Variants in EXOC4 observed in about 807,000 individuals in gnomAD.
EXOC4 encodes the protein exocyst complex component 4.
In EXOC4, 71 loss-of-function variants were observed where a neutral mutation model predicts 107.2. The observed-to-expected ratio is 0.66, with a 90% confidence interval of 0.55 to 0.81. The LOEUF (loss-of-function observed/expected upper bound fraction) is 0.81, where lower values mean the gene tolerates loss of function less well. Ranked by LOEUF, EXOC4 falls within the 30% of genes least tolerant of loss-of-function variation. EXOC4 has a pLI of 0.00. For missense variants in EXOC4, 1,108 were observed against 1,189.6 expected (o/e 0.93, Z 1.01); for synonymous variants, 456 against 441.2 (o/e 1.03, Z -0.42).
intron 14 of EXOC4, among the ~76,000 whole-genome samples, chr7:133,996,283 A>G (rs781364940): frequency 2.6e-5 from 4 of 152,196 alleles, no homozygotes; most frequent in Non-Finnish European, 4.4e-5. Flanking sequence ...AGGCAGAGAA[A>G]ATTTAAATAA....
chr7:133,971,361 T>TATATATATATATATATATAGAG (rs1489958236), intron 14 of EXOC4, among the ~76,000 whole-genome samples: 2 of 75,074 alleles, frequency 2.7e-5, no homozygotes, highest in Non-Finnish European at 4.8e-5. Flanking sequence ...TATATATATA[T>TATATATATATATATATATAGAG]AGAGAGAGAG....
chr7:134,086,858 T>C, the EXOC4 span, among the ~76,000 whole-genome samples: 2 of 152,214 alleles, frequency 1.3e-5, no homozygotes, highest in African/African-American at 4.8e-5. Context: ...AAGGAGTAGA[T>C]TATTCATGCC....
At chr7:133,484,530 G>A (rs1799230234) in intron 9 of EXOC4, among the ~76,000 whole-genome samples, 1 of 151,782 alleles carries the variant, frequency 6.6e-6, no homozygotes, top group South Asian at 2.1e-4. Context: ...ACATTATCTG[G>A]TGAGGGTTAA....
intron 5 of EXOC4, among the ~76,000 whole-genome samples, chr7:133,321,843 G>A (rs888602624): frequency 2.0e-5 from 3 of 152,332 alleles, no homozygotes; most frequent in East Asian, 3.9e-4. Flanking sequence ...CCCACCAACA[G>A]TGTAAAAGTG....
chr7:133,873,328 A>G lies in EXOC4; in HGVS notation c.1735-22271A>G, dbSNP rs193107424. On this transcript the variant is annotated intron_variant, in intron 11 of 17. Coordinates refer to ENST00000253861, the MANE Select transcript of EXOC4 (RefSeq NM_021807.4). Reference sequence around the variant, plus strand: ...AACGTTGTTTTTCGGCATATGTCTCATCAGGCATAGTCATCTGTGAAATGT... The same window carrying G: ...AACGTTGTTTTTCGGCATATGTCTCGTCAGGCATAGTCATCTGTGAAATGT... Among the ~76,000 whole-genome samples, 717 of 152,334 alleles carry G rather than the reference A, an allele frequency of 4.7e-3. 8 individuals carry two copies. Among genetic ancestry groups the G allele is most frequent in the African/African-American group, 0.016 (684 of 41,580 alleles).
At chr7:133,318,979 G>T (rs780140286) in intron 5 of EXOC4, among the ~76,000 whole-genome samples, 1 of 152,164 alleles carries the variant, frequency 6.6e-6, no homozygotes, top group Non-Finnish European at 1.5e-5. Context: ...GCTCTGAGGG[G>T]TTGTAGACTG....
chr7:133,800,916 A>T (rs1585155276), intron 10 of EXOC4, among the ~76,000 whole-genome samples: 1 of 152,206 alleles, frequency 6.6e-6, no homozygotes, highest in South Asian at 2.1e-4. Context: ...TACATAAATT[A>T]TCTTAGGGAA....
At chr7:133,929,682 A>G (rs1324005357) in intron 13 of EXOC4, among the ~76,000 whole-genome samples, 2 of 152,172 alleles carry the variant, frequency 1.3e-5, no homozygotes, top group Non-Finnish European at 2.9e-5. Context: ...GTTAAGAAAC[A>G]TAGTACCCGA....
intron 14 of EXOC4, among the ~76,000 whole-genome samples, chr7:133,987,518 AG>A (rs1292739541): frequency 6.6e-6 from 1 of 152,120 alleles, no homozygotes; most frequent in African/African-American, 2.4e-5. Context: ...AGGAAAGGAA[AG>A]AACTTATTTT....
At chr7:133,822,932 T>A (rs1440099526) in intron 11 of EXOC4, among the ~76,000 whole-genome samples, 1 of 152,232 alleles carries the variant, frequency 6.6e-6, no homozygotes, top group Non-Finnish European at 1.5e-5. Context: ...GCCCAGGAAT[T>A]GTAAAAACAA....
At chr7:133,480,566 G>A (rs1355266826) in intron 9 of EXOC4, 2 of 454,820 alleles carry the variant, frequency 4.4e-6, no homozygotes, top group Non-Finnish European at 6.2e-6. Context: ...GGAAAAAGAT[G>A]CCTCTAAATA....
chr7:133,670,513 C>T (rs1307060238), intron 10 of EXOC4, among the ~76,000 whole-genome samples: 1 of 152,174 alleles, frequency 6.6e-6, no homozygotes, highest in African/African-American at 2.4e-5. Context: ...TGTTGAGCCT[C>T]CAAACATTGA....
At chr7:133,372,241 A>C (rs960825322) in intron 6 of EXOC4, among the ~76,000 whole-genome samples, 1 of 152,218 alleles carries the variant, frequency 6.6e-6, no homozygotes, top group Non-Finnish European at 1.5e-5. Flanking sequence ...GGGTTTTATT[A>C]AATAATATGA....
chr7:133,514,437 C>T (rs1316016986), intron 9 of EXOC4, among the ~76,000 whole-genome samples: 1 of 152,182 alleles, frequency 6.6e-6, no homozygotes, highest in African/African-American at 2.4e-5. Flanking sequence ...GCTGGGATTA[C>T]AGGCGTGAGC....
At chr7:133,602,344 C>A (rs1338068311) in intron 9 of EXOC4, among the ~76,000 whole-genome samples, 7 of 152,240 alleles carry the variant, frequency 4.6e-5, no homozygotes, top group Middle Eastern at 3.4e-3. Context: ...TTCCAAATCC[C>A]TGACTGTTTT....
intron 9 of EXOC4, among the ~76,000 whole-genome samples, chr7:133,610,868 G>T (rs1228091290): frequency 6.7e-6 from 1 of 150,336 alleles, no homozygotes; most frequent in Non-Finnish European, 1.5e-5. Context: ...TTGCCGTGCA[G>T]TGACGTGATT....
At chr7:134,022,837 T>G (rs1012003048) in intron 17 of EXOC4, among the ~76,000 whole-genome samples, 1 of 152,240 alleles carries the variant, frequency 6.6e-6, no homozygotes, top group African/African-American at 2.4e-5. Flanking sequence ...AAAATAGGAA[T>G]TGTTCACATG....
intron 14 of EXOC4, among the ~76,000 whole-genome samples, chr7:133,985,960 TG>T (rs1794103984): frequency 6.6e-6 from 1 of 152,160 alleles, no homozygotes; most frequent in Non-Finnish European, 1.5e-5. Flanking sequence ...TCTGTAAAAG[TG>T]GGCAAAAGAG....
chr7:133,343,892 C>T (rs1305056334), intron 5 of EXOC4, among the ~76,000 whole-genome samples: 1 of 151,736 alleles, frequency 6.6e-6, no homozygotes, highest in Non-Finnish European at 1.5e-5. Context: ...TACCTCTCTG[C>T]AGCCTTGAAC....
Sources: allele counts gnomAD v4.1 joint callset (sites outside exome capture counted in the v4.1 genomes callset), GRCh38; gene constraint gnomAD v4.1.1; transcripts MANE v1.5; gene names NCBI Gene and HGNC (gene_info 2026-07-23, HGNC 2026-07-21).